IGF1R: variants seen among roughly 807,000 people sequenced by gnomAD.
IGF1R encodes the protein insulin-like growth factor 1 receptor.
In IGF1R, 44 loss-of-function variants were observed where a neutral mutation model predicts 144.6. The observed-to-expected ratio is 0.30, with a 90% CI of 0.24 to 0.39. IGF1R has a LOEUF of 0.39. IGF1R is among the 10% of genes least tolerant of loss of function. The probability of loss-of-function intolerance (pLI) is 1.00; values close to 1 mark genes in which losing one functional copy is unlikely to be tolerated. For synonymous variants in IGF1R, 795 were observed against 722.8 expected, an observed-to-expected ratio of 1.10 and a Z score of -1.60; for missense variants, 1,355 against 1,833.7, an observed-to-expected ratio of 0.74 and a Z score of 4.77.
intron 2 of IGF1R, among the ~76,000 whole-genome samples, chr15:98,821,711 G>A (rs2056806997): frequency 1.3e-5 from 2 of 152,188 alleles, no homozygotes; most frequent in South Asian, 2.1e-4. Context: ...CATGAAACCC[G>A]GAAACCACTA....
intron 2 of IGF1R, among the ~76,000 whole-genome samples, chr15:98,759,489 GC>G: frequency 6.6e-6 from 1 of 152,186 alleles, no homozygotes; most frequent in East Asian, 1.9e-4. Context: ...CAGAAGAACG[GC>G]CCCCCAGGGG....
intron 2 of IGF1R, among the ~76,000 whole-genome samples, chr15:98,812,359 CTT>C (rs34851483): frequency 6.4e-5 from 9 of 140,116 alleles, no homozygotes; most frequent in Middle Eastern, 3.6e-3. Context: ...CTTGAAAAAG[CTT>C]TTTTTTTTTT....
chr15:98,881,843 A>G (rs2013400454), intron 2 of IGF1R, among the ~76,000 whole-genome samples: 1 of 152,204 alleles, frequency 6.6e-6, no homozygotes, highest in Non-Finnish European at 1.5e-5. Context: ...AAATGCAGAA[A>G]TATATGTGAG....
Position 98,891,249 on chromosome 15 carries a change from A to T in IGF1R, c.641-76A>T. The stretch of plus-strand genomic sequence containing the variant: ...TGGTGGTAGCAGTGAATGACCCAGA[A>T]GGATGCTGGCCAGGCCCAGAGAAGG... On this transcript the variant is annotated intron_variant, in intron 2 of 20. Coordinates refer to ENST00000650285, the MANE Select transcript of IGF1R (RefSeq NM_000875.5). The surrounding 1 kb of genome is among the most constrained non-coding windows in gnomAD (Gnocchi z 4.7). 7.2e-7 allele frequency: 1 copy of T among 1,391,250 alleles called. No individual in the cohort carries two copies. Among genetic ancestry groups the T allele is most frequent in the Non-Finnish European group, 1.0e-6 (1 of 1,002,550 alleles). 86.2% of individuals were successfully genotyped at this position (1,391,250 alleles called of 1,614,324 possible). A position where few individuals can be genotyped will look rare whatever the true frequency, so the allele number is the denominator to read the frequency against.
At chr15:98,684,519 C>T (rs2053274839) in intron 1 of IGF1R, among the ~76,000 whole-genome samples, 2 of 152,152 alleles carry the variant, frequency 1.3e-5, no homozygotes, top group Admixed American at 6.5e-5. Context: ...CAGTTGGCAA[C>T]CTCTATGCTG....
At position 98,730,504 on chromosome 15, in the gene IGF1R, G is replaced by T. The variant is rs529635896; in HGVS notation, c.640+22397G>T. On this transcript the variant is annotated intron_variant, in intron 2 of 20. Transcript: ENST00000650285. ...TCCTTTTCACCCTGATTTTGACTCT[G>T]TTGGCTCTCAGCTGAGTGCCCCATA... 1.6e-4 allele frequency among the ~76,000 whole-genome samples: 24 copies of T among 152,284 alleles called. No individual in the cohort carries two copies. The South Asian group carries it at 5.0e-3, about 32-fold the overall frequency.
At position 98,922,237 on chromosome 15, in the gene IGF1R, A is replaced by C. The variant is rs753203343; in HGVS notation, c.2291A>C (p.Asn764Thr). 1.9e-6 allele frequency: 3 copies of C among 1,614,044 alleles called. No individual in the cohort carries two copies. The African/African-American group carries it at 4.0e-5, about 22-fold the overall frequency. Residue 764 changes from asparagine to threonine, a missense_variant, in exon 11 of 21, where the codon AAC becomes ACC. This residue lies in a region of IGF1R where 880 missense variants were observed against 1,202.7 expected (regional missense o/e 0.73). Transcript: ENST00000650285. The stretch of plus-strand genomic sequence containing the variant: ...AACACCACGGCCGCAGACACCTACA[A>C]CATCACCGACCCGGAAGAGCTGGAG... ...SRNTTAADTY[N>T]ITDPEELETE... is the part of the protein sequence containing the mutation.
At chr15:98,785,463 A>G (rs1227904714) in intron 2 of IGF1R, among the ~76,000 whole-genome samples, 1 of 152,166 alleles carries the variant, frequency 6.6e-6, no homozygotes, top group Non-Finnish European at 1.5e-5. Context: ...GTCCCAGGTA[A>G]TCCAGAGTTA....
At chr15:98,876,764 A>G (rs147768942) in intron 2 of IGF1R, among the ~76,000 whole-genome samples, 34 of 152,118 alleles carry the variant, frequency 2.2e-4, no homozygotes, top group Admixed American at 2.2e-3. Context: ...CAGTTCCCCC[A>G]AAAAACTGGT....
intron 17 of IGF1R, among the ~76,000 whole-genome samples, chr15:98,938,079 A>G (rs896134126): frequency 3.3e-5 from 5 of 152,254 alleles, no homozygotes; most frequent in Non-Finnish European, 7.3e-5. Flanking sequence ...GATTCCAAAT[A>G]CTAGCTTTCA....
chr15:98,706,546 CA>C (rs766876314), intron 1 of IGF1R, among the ~76,000 whole-genome samples: 4 of 150,516 alleles, frequency 2.7e-5, no homozygotes, highest in Non-Finnish European at 4.4e-5. Context: ...TTATAATGTG[CA>C]AAACAGGAGC....
intron 19 of IGF1R, among the ~76,000 whole-genome samples, chr15:98,946,507 A>G (rs1450366407): frequency 6.6e-6 from 1 of 152,156 alleles, no homozygotes; most frequent in Non-Finnish European, 1.5e-5. Context: ...AGGATCCTGC[A>G]CACTCAGGGA....
At chr15:98,713,905 C>G (rs1261175061) in intron 2 of IGF1R, among the ~76,000 whole-genome samples, 1 of 152,160 alleles carries the variant, frequency 6.6e-6, no homozygotes, top group Non-Finnish European at 1.5e-5. Context: ...TGGGCTTTGC[C>G]AGGAAATCCA....
chr15:98,769,624 C>T (rs1345026934), intron 2 of IGF1R, among the ~76,000 whole-genome samples: 2 of 152,174 alleles, frequency 1.3e-5, no homozygotes, highest in Non-Finnish European at 2.9e-5. Flanking sequence ...CTGAAGTCCA[C>T]ATTGAATAAG....
intron 5 of IGF1R, among the ~76,000 whole-genome samples, chr15:98,902,932 A>C (rs755967039): frequency 1.3e-5 from 2 of 152,156 alleles, no homozygotes; most frequent in Non-Finnish European, 2.9e-5. Flanking sequence ...CAAGCATTTT[A>C]CATAGAGTAG....
In IGF1R at chr15:98,916,722, G is replaced by C. The variant is rs1454595621; in HGVS notation, c.2047G>C (p.Val683Leu). 3.7e-6 allele frequency: 6 copies of C among 1,614,152 alleles called. No homozygotes were observed. Among genetic ancestry groups the C allele is most frequent in the Non-Finnish European group, 5.1e-6 (6 of 1,180,020 alleles). ...YADGTIDIEE[V>L]TENPKTEVCG... ...CGACGGCACCATCGACATTGAGGAG[G>C]TCACAGAGAACCCCAAGACTGAGGT... Residue 683 changes from valine (V) to leucine (L), a missense_variant, in exon 10 of 21, where the codon GTC becomes CTC. This residue lies in a region of IGF1R where 880 missense variants were observed against 1,202.7 expected (regional missense o/e 0.73). Transcript: ENST00000650285.
At chr15:98,711,632 C>A (rs983542538) in intron 2 of IGF1R, among the ~76,000 whole-genome samples, 3 of 150,370 alleles carry the variant, frequency 2.0e-5, no homozygotes, top group African/African-American at 5.0e-5. Flanking sequence ...TGTGTGGCAC[C>A]CCCTGACATG....
At chr15:98,877,114 A>T (rs990016754) in intron 2 of IGF1R, among the ~76,000 whole-genome samples, 2 of 152,250 alleles carry the variant, frequency 1.3e-5, no homozygotes, top group African/African-American at 4.8e-5. Context: ...ACTGATCTGT[A>T]GCTGTTGCTG....
chr15:98,759,222 TG>T (rs2055233950), intron 2 of IGF1R, among the ~76,000 whole-genome samples: 1 of 152,202 alleles, frequency 6.6e-6, no homozygotes, highest in African/African-American at 2.4e-5. Context: ...CTAGCCAGCT[TG>T]GCCCAAATTT....
Sources: allele counts gnomAD v4.1 joint callset (sites outside exome capture counted in the v4.1 genomes callset), GRCh38; gene constraint gnomAD v4.1.1; regional missense constraint gnomAD v4.1.1; non-coding constraint Gnocchi (gnomAD v3.1); transcripts MANE v1.5; gene names NCBI Gene and HGNC (gene_info 2026-07-23, HGNC 2026-07-21).